The following ZC3H12C variants were observed in gnomAD, a reference collection of about 807,000 sequenced individuals.
The protein encoded by ZC3H12C is zinc finger CCCH-type containing 12C.
Under a neutral mutation model 76.3 loss-of-function variants are expected in ZC3H12C, and 20 were observed. The ratio of observed to expected loss-of-function variants is 0.26; its 90% CI spans 0.18 to 0.38. The LOEUF is 0.38. Among genes scored for constraint, ZC3H12C ranks in the 10% least tolerant of loss-of-function variants. The pLI is 1.00. For synonymous variants in ZC3H12C, 352 were observed against 399.6 expected (o/e 0.88, Z 1.42); for missense variants, 874 against 1,086.5 (o/e 0.80, Z 2.75).
At position 110,136,598 on chromosome 11, in the gene ZC3H12C, T is replaced by G. The variant is rs1045105486; in HGVS notation, c.22-65T>G. 4 of 1,523,928 alleles carry G rather than the reference T, an allele frequency of 2.6e-6. 1 individual carries two copies. In the African/African-American group the frequency reaches 5.6e-5, roughly 21 times the overall value. The allele number at this position is 1,523,928 out of a possible 1,614,324, so 94.4% of individuals were successfully genotyped here. On this transcript the variant is annotated intron_variant, in intron 1 of 5. Coordinates refer to ENST00000278590, the MANE Select transcript of ZC3H12C (RefSeq NM_033390.2). The stretch of plus-strand genomic sequence containing the variant: ...AGTAGTTGAGTAATTCTCTTCTGAC[T>G]TCTCCATTGAGACAGAAATCTAGCC...
At chr11:110,145,452 A>G (rs137943167) in intron 2 of ZC3H12C, among the ~76,000 whole-genome samples, 1 of 152,328 alleles carries the variant, frequency 6.6e-6, no homozygotes, top group Non-Finnish European at 1.5e-5. Context: ...CGTTCCTTTT[A>G]CCTGAAACTG....
chr11:110,143,254 G>A (rs1033833277), intron 2 of ZC3H12C, among the ~76,000 whole-genome samples: 3 of 152,132 alleles, frequency 2.0e-5, no homozygotes, highest in Non-Finnish European at 2.9e-5. Flanking sequence ...TTGAAGATGA[G>A]AGGCAGCTGC....
chr11:110,130,919 T>C, intron 1 of ZC3H12C: 1 of 1,056,940 alleles, frequency 9.5e-7, no homozygotes, highest in Non-Finnish European at 1.3e-6. Context: ...CAACTAATTG[T>C]GAGCTTTCTG....
chr11:110,164,278 C>T lies in ZC3H12C; in HGVS notation c.1256-63C>T. Reference sequence around the variant, plus strand: ...TCTTCTACAAGTTAAAATCATAGGGCCAAACTGAGTTTTCAGGATCTGATG... The same window carrying T: ...TCTTCTACAAGTTAAAATCATAGGGTCAAACTGAGTTTTCAGGATCTGATG... On this transcript the variant is annotated intron_variant, in intron 5 of 5. Transcript: ENST00000278590. The surrounding 1 kb of genome is among the most constrained non-coding windows in gnomAD (Gnocchi z 5.7). 7.0e-7 allele frequency: 1 copy of T among 1,420,816 alleles called. No individual in the cohort carries two copies. The highest frequency in any genetic ancestry group is 9.4e-7 in the Non-Finnish European group (1 of 1,067,688). The allele number at this position is 1,420,816 out of a possible 1,614,324, so 88.0% of individuals were successfully genotyped here. A position where few individuals can be genotyped will look rare whatever the true frequency, so the allele number is the denominator to read the frequency against.
chr11:110,128,659 C>T (rs1384786897), intron 1 of ZC3H12C, among the ~76,000 whole-genome samples: 1 of 152,020 alleles, frequency 6.6e-6, no homozygotes, highest in East Asian at 1.9e-4. Flanking sequence ...AAATACTGAC[C>T]TCAGTGTCTC....
chr11:110,107,960 G>A (rs923864170), intron 1 of ZC3H12C, among the ~76,000 whole-genome samples: 1 of 152,000 alleles, frequency 6.6e-6, no homozygotes, highest in Non-Finnish European at 1.5e-5. Flanking sequence ...ACCATACCCA[G>A]CCTTTCAGAG....
chr11:110,154,052 A>G lies in ZC3H12C; in HGVS notation c.913+994A>G, dbSNP rs535522735. On this transcript the variant is annotated intron_variant, in intron 3 of 5. Coordinates refer to ENST00000278590, the MANE Select transcript of ZC3H12C (RefSeq NM_033390.2). ...TCAAAAACAAATAAAGAGACCATCTACTATATACCCAAAGGGGATGATTAA... is the reference window on the plus strand; with the variant it reads ...TCAAAAACAAATAAAGAGACCATCTGCTATATACCCAAAGGGGATGATTAA... 2.0e-5 allele frequency among the ~76,000 whole-genome samples: 3 copies of G among 152,346 alleles called. No homozygotes were observed. In the South Asian group the frequency reaches 6.2e-4, roughly 32 times the overall value.
chr11:110,145,604 C>G (rs662051), intron 2 of ZC3H12C, among the ~76,000 whole-genome samples: 48,991 of 146,540 alleles, frequency 0.33, 8,916 homozygotes, highest in African/African-American at 0.49. Context: ...AAATTGGGGG[C>G]GGGGGGGAGT....
intron 1 of ZC3H12C, 111 bp from the exon 2 acceptor site, chr11:110,136,552 G>C (rs753325553): frequency 8.0e-5 from 99 of 1,233,588 alleles, no homozygotes; most frequent in Non-Finnish European, 1.1e-4. Flanking sequence ...AGAGGATGTA[G>C]ACAAAATACA....
At chr11:110,111,346 A>C (rs1402962254) in intron 1 of ZC3H12C, among the ~76,000 whole-genome samples, 1 of 152,220 alleles carries the variant, frequency 6.6e-6, no homozygotes, top group Admixed American at 6.5e-5. Context: ...GAAATAATTT[A>C]TAAACCTACA....
chr11:110,103,201 C>T (rs538162060), intron 1 of ZC3H12C, among the ~76,000 whole-genome samples: 83 of 152,190 alleles, frequency 5.5e-4, no homozygotes, highest in African/African-American at 1.8e-3. Flanking sequence ...ACTTGGAATG[C>T]GTTGTGTGAT....
At position 110,106,246 on chromosome 11, in the gene ZC3H12C, C is replaced by T. The variant is rs1342504629; in HGVS notation, c.21+12814C>T. ...TCGCGCCACTGCACTCCAGCCTGGG[C>T]GACAGAGCGAGACTCCGTCTCAAAA... On this transcript the variant is annotated intron_variant, in intron 1 of 5. Transcript: ENST00000278590. Among the ~76,000 whole-genome samples, 5 of 14,270 alleles carry T rather than the reference C, an allele frequency of 3.5e-4. 2 individuals carry two copies. Among genetic ancestry groups the T allele is most frequent in the African/African-American group, 6.4e-4 (2 of 3,122 alleles). The allele number at this position is 14,270 out of a possible 152,430, so 9.4% of individuals were successfully genotyped here. A position where few individuals can be genotyped will look rare whatever the true frequency, so the allele number is the denominator to read the frequency against.
At chr11:110,099,319 G>C (rs974424698) in intron 1 of ZC3H12C, among the ~76,000 whole-genome samples, 1 of 152,124 alleles carries the variant, frequency 6.6e-6, no homozygotes, top group Non-Finnish European at 1.5e-5. Flanking sequence ...ATATTGATAT[G>C]TATAACCATT....
rs1398265006 is a variant in ZC3H12C at position 110,117,786 on chromosome 11, CAT to C, written c.22-18868_22-18867del. ...ACACACACATATATATACACACACA[CAT>C]ATATATATTATATATACACACATAT... On this transcript the variant is annotated intron_variant, in intron 1 of 5. Coordinates refer to ENST00000278590, the MANE Select transcript of ZC3H12C (RefSeq NM_033390.2). Among the ~76,000 whole-genome samples, 143 of 132,586 alleles carry C rather than the reference CAT, an allele frequency of 1.1e-3. 8 individuals carry two copies. Among genetic ancestry groups the C allele is most frequent in the African/African-American group, 2.3e-3 (82 of 35,036 alleles). 87.0% of individuals were successfully genotyped at this position (132,586 alleles called of 152,430 possible). A position where few individuals can be genotyped will look rare whatever the true frequency, so the allele number is the denominator to read the frequency against.
At chr11:110,157,799 T>G (rs1313981810) in intron 3 of ZC3H12C, among the ~76,000 whole-genome samples, 1 of 152,222 alleles carries the variant, frequency 6.6e-6, no homozygotes, top group African/African-American at 2.4e-5. Flanking sequence ...CAGCTCACAC[T>G]TCTGCTGTGG....
intron 1 of ZC3H12C, among the ~76,000 whole-genome samples, chr11:110,134,442 G>A (rs564933232): frequency 1.3e-5 from 2 of 152,174 alleles, no homozygotes; most frequent in East Asian, 3.9e-4. Context: ...TGGTGGGAGC[G>A]CCATGAAGGC....
chr11:110,163,553 T>G (rs1271724842), intron 5 of ZC3H12C, among the ~76,000 whole-genome samples, 174 bp downstream of exon 5: 1 of 152,246 alleles, frequency 6.6e-6, no homozygotes, highest in African/African-American at 2.4e-5. Context: ...TTTACCTGTT[T>G]GGATTCAAGA....
intron 1 of ZC3H12C, among the ~76,000 whole-genome samples, chr11:110,117,678 T>A (rs1861552920): frequency 7.1e-6 from 1 of 141,158 alleles, no homozygotes; most frequent in Admixed American, 7.6e-5. Flanking sequence ...ATATATATAT[T>A]ATATATATAC....
intron 1 of ZC3H12C, among the ~76,000 whole-genome samples, chr11:110,109,177 T>C (rs1042968823): frequency 5.3e-5 from 8 of 152,160 alleles, no homozygotes; most frequent in Non-Finnish European, 1.2e-4. Context: ...CAATCTTCAG[T>C]GTTGTAGGAT....
Sources: allele counts gnomAD v4.1 joint callset (sites outside exome capture counted in the v4.1 genomes callset), GRCh38; gene constraint gnomAD v4.1.1; non-coding constraint Gnocchi (gnomAD v3.1); transcripts MANE v1.5; gene names NCBI Gene and HGNC (gene_info 2026-07-23, HGNC 2026-07-21).